The following KCNN2 variants were observed in gnomAD, a reference collection of about 807,000 sequenced individuals.
The protein encoded by KCNN2 is small conductance calcium-activated potassium channel protein 2.
In KCNN2, 24 loss-of-function variants were observed where a neutral mutation model predicts 55.5. The observed-to-expected ratio is 0.43, with a 90% confidence interval of 0.31 to 0.61. The LOEUF is 0.61. KCNN2 is among the 20% of genes least tolerant of loss of function. The pLI is 0.08. For synonymous variants in KCNN2, 431 were observed against 336.1 expected (o/e 1.28, Z -3.09); for missense variants, 754 against 853.6 (o/e 0.88, Z 1.45).
At chr5:114,467,122 AG>A (rs1308978475) in intron 4 of KCNN2, among the ~76,000 whole-genome samples, 1 of 152,188 alleles carries the variant, frequency 6.6e-6, no homozygotes. Flanking sequence ...TGACTCCATT[AG>A]TTGTCAGTTA....
chr5:114,319,499 G>A (rs1448975666), intron 2 of KCNN2, among the ~76,000 whole-genome samples: 1 of 152,146 alleles, frequency 6.6e-6, no homozygotes, highest in African/African-American at 2.4e-5. Context: ...ACAGCCTGAA[G>A]CTCAGAGTGA....
At chr5:114,063,167 A>C (rs1750367046) in intron 1 of KCNN2, among the ~76,000 whole-genome samples, 1 of 152,118 alleles carries the variant, frequency 6.6e-6, no homozygotes, top group Non-Finnish European at 1.5e-5. Context: ...TCTAGCCCCT[A>C]CTGTGGATGT....
intron 4 of KCNN2, among the ~76,000 whole-genome samples, chr5:114,463,558 C>A (rs984322982): frequency 2.6e-5 from 4 of 152,146 alleles, no homozygotes; most frequent in Admixed American, 2.0e-4. Context: ...TAATAACTAT[C>A]TTGAAATGTG....
At chr5:114,332,646 T>C (rs1756846087) in intron 2 of KCNN2, among the ~76,000 whole-genome samples, 5 of 152,218 alleles carry the variant, frequency 3.3e-5, no homozygotes. Flanking sequence ...TCTGTATATG[T>C]ACTCAGCAAG....
At chr5:114,124,774 G>C (rs1219295156) in intron 1 of KCNN2, among the ~76,000 whole-genome samples, 1 of 152,092 alleles carries the variant, frequency 6.6e-6, no homozygotes, top group Non-Finnish European at 1.5e-5. Flanking sequence ...CTATCAAATT[G>C]CTTCAGCTCA....
chr5:114,350,087 C>T (rs911305948), intron 2 of KCNN2, among the ~76,000 whole-genome samples: 1 of 151,724 alleles, frequency 6.6e-6, no homozygotes, highest in Non-Finnish European at 1.5e-5. Context: ...TTGCCTTTGG[C>T]TTATTTATTC....
At chr5:114,165,626 C>G (rs942280236) in intron 1 of KCNN2, among the ~76,000 whole-genome samples, 1 of 152,014 alleles carries the variant, frequency 6.6e-6, no homozygotes, top group Non-Finnish European at 1.5e-5. Flanking sequence ...TATCCATGGC[C>G]TTATTGGTCT....
intron 2 of KCNN2, among the ~76,000 whole-genome samples, chr5:114,313,157 T>C (rs1297695279): frequency 1.3e-5 from 2 of 152,146 alleles, no homozygotes; most frequent in Non-Finnish European, 2.9e-5. Context: ...CTGAAAGCCA[T>C]AGATTTTTCA....
At chr5:114,111,312 C>A (rs561923457) in intron 1 of KCNN2, among the ~76,000 whole-genome samples, 38 of 152,210 alleles carry the variant, frequency 2.5e-4, no homozygotes, top group African/African-American at 8.9e-4. Flanking sequence ...TTTCCTTACA[C>A]CTTATATAAA....
intron 3 of KCNN2, among the ~76,000 whole-genome samples, chr5:114,422,988 C>A (rs571624352): frequency 6.6e-6 from 1 of 152,202 alleles, no homozygotes. Flanking sequence ...AAAGTTAAAA[C>A]ATAGAAGTAT....
At chr5:114,381,174 A>T (rs965460459) in intron 2 of KCNN2, among the ~76,000 whole-genome samples, 2 of 152,210 alleles carry the variant, frequency 1.3e-5, no homozygotes, top group East Asian at 3.8e-4. Flanking sequence ...TTCTTAGCAT[A>T]AAGTTTTTCT....
chr5:114,262,795 T>A (rs1686943586), intron 2 of KCNN2, among the ~76,000 whole-genome samples: 1 of 152,122 alleles, frequency 6.6e-6, no homozygotes, highest in Non-Finnish European at 1.5e-5. Context: ...CCCTGCAACT[T>A]AACTATCAAC....
intron 1 of KCNN2, among the ~76,000 whole-genome samples, chr5:114,116,917 C>A (rs1412796548): frequency 6.6e-6 from 1 of 152,112 alleles, no homozygotes; most frequent in Admixed American, 6.6e-5. Flanking sequence ...ATATTGCCAT[C>A]TGCTTCCATG....
At chr5:114,488,074 A>G (rs192974666) in intron 6 of KCNN2, among the ~76,000 whole-genome samples, 1 of 152,334 alleles carries the variant, frequency 6.6e-6, no homozygotes, top group African/African-American at 2.4e-5. Flanking sequence ...CAGGTAATTC[A>G]TATGTAATAT....
intron 2 of KCNN2, among the ~76,000 whole-genome samples, chr5:114,222,735 A>C (rs893419874): frequency 6.6e-6 from 1 of 152,192 alleles, no homozygotes; most frequent in Non-Finnish European, 1.5e-5. Flanking sequence ...TAATGTTAAA[A>C]GTTAGACTTT....
At chr5:114,269,685 G>C (rs1048256275) in intron 2 of KCNN2, among the ~76,000 whole-genome samples, 1 of 152,018 alleles carries the variant, frequency 6.6e-6, no homozygotes, top group African/African-American at 2.4e-5. Flanking sequence ...GGTAGGATCC[G>C]GTTGACTGTA....
chr5:114,477,459 T>C (rs1446976583), intron 5 of KCNN2, among the ~76,000 whole-genome samples: 1 of 152,084 alleles, frequency 6.6e-6, no homozygotes, highest in African/African-American at 2.4e-5. Context: ...ACTGAGAAGA[T>C]TGTTTTGTCT....
chr5:114,477,963 G>GATTT (rs1455019354), intron 5 of KCNN2, among the ~76,000 whole-genome samples: 1 of 152,096 alleles, frequency 6.6e-6, no homozygotes, highest in Non-Finnish European at 1.5e-5. Flanking sequence ...AATTCTAAAG[G>GATTT]ATTTATTTCA....
Position 114,285,110 on chromosome 5 carries a change from G to A in KCNN2, c.-185+63545G>A, listed in dbSNP as rs540148076. On this transcript the variant is annotated intron_variant, in intron 2 of 10. Transcript: ENST00000512097. ...ATCTTGGCTAACACAGTGAAACCCCGTCTCTACTAAAAAATGTAAAAAAAT... is the reference window on the plus strand; with the variant it reads ...ATCTTGGCTAACACAGTGAAACCCCATCTCTACTAAAAAATGTAAAAAAAT... Among the ~76,000 whole-genome samples, 22 of 150,688 alleles carry A rather than the reference G, an allele frequency of 1.5e-4. No individual in the cohort carries two copies. The South Asian group carries it at 4.7e-3, about 32-fold the overall frequency.
Sources: gnomAD v4.1 joint callset for allele counts (sites outside exome capture counted in the v4.1 genomes callset) on GRCh38, gnomAD v4.1.1 for gene constraint, MANE v1.5 for transcripts, NCBI Gene and HGNC (gene_info 2026-07-23, HGNC 2026-07-21) for gene names.